MLIP: variants seen among roughly 807,000 people sequenced by gnomAD.
The protein encoded by MLIP is muscular LMNA interacting protein, also known as muscular LMNA-interacting protein.
MLIP carries 79 observed loss-of-function variants against 84.8 expected under a neutral mutation model. The ratio of observed to expected loss-of-function variants is 0.93; its 90% CI spans 0.78 to 1.12. The LOEUF (loss-of-function observed/expected upper bound fraction) is 1.12, where lower values mean the gene tolerates loss of function less well. Ranked by LOEUF, MLIP falls within the 50% of genes most tolerant of loss-of-function variation. MLIP has a pLI of 0.00. For synonymous variants in MLIP, 504 were observed against 463.0 expected, an observed-to-expected ratio of 1.09 and a Z score of -1.14; for missense variants, 1,257 against 1,160.6, an observed-to-expected ratio of 1.08 and a Z score of -1.21.
At chr6:54,064,021 TAGTATTGATG>T (rs1766132003) in intron 1 of MLIP, among the ~76,000 whole-genome samples, 2 of 75,402 alleles carry the variant, frequency 2.7e-5, no homozygotes, top group Non-Finnish European at 4.4e-5. Flanking sequence ...CTTGAGGTTA[TAGTATTGATG>T]ATCCTTATTT....
At chr6:54,232,874 C>A (rs186407628) in intron 12 of MLIP, among the ~76,000 whole-genome samples, 2 of 152,306 alleles carry the variant, frequency 1.3e-5, no homozygotes, top group African/African-American at 4.8e-5. Flanking sequence ...CTTGTCTTAC[C>A]AGTCTTTAGA....
At chr6:54,264,481 C>T (rs1340750862) in intron 13 of MLIP, among the ~76,000 whole-genome samples, 3 of 152,044 alleles carry the variant, frequency 2.0e-5, no homozygotes, top group Non-Finnish European at 4.4e-5. Flanking sequence ...ATATTGACTC[C>T]TTCTGAGCTT....
chr6:54,027,249 G>C (rs1433718473), intron 1 of MLIP, among the ~76,000 whole-genome samples: 2 of 151,984 alleles, frequency 1.3e-5, no homozygotes, highest in Non-Finnish European at 2.9e-5. Flanking sequence ...TTGTGAAATA[G>C]ATGAAAAAAG....
At chr6:54,040,341 A>T (rs1267314018) in intron 1 of MLIP, among the ~76,000 whole-genome samples, 2 of 151,990 alleles carry the variant, frequency 1.3e-5, no homozygotes, top group African/African-American at 2.4e-5. Context: ...AAGAGTAGAA[A>T]TTTTTTGAGG....
chr6:54,155,736 C>A (rs1352924409), intron 5 of MLIP, among the ~76,000 whole-genome samples: 1 of 152,146 alleles, frequency 6.6e-6, no homozygotes, highest in South Asian at 2.1e-4. Flanking sequence ...TTTCATAGTT[C>A]TTGGCTCCTA....
chr6:54,260,479 A>G (rs1783309217), intron 13 of MLIP, among the ~76,000 whole-genome samples: 1 of 152,034 alleles, frequency 6.6e-6, no homozygotes, highest in Non-Finnish European at 1.5e-5. Flanking sequence ...AAATCTCTTC[A>G]GATTATTCAA....
chr6:54,092,400 C>T (rs1216694901), intron 1 of MLIP, among the ~76,000 whole-genome samples: 1 of 152,100 alleles, frequency 6.6e-6, no homozygotes, highest in Non-Finnish European at 1.5e-5. Context: ...GGTACAAGTT[C>T]AAATCATTTC....
chr6:54,171,150 G>A (rs777493482), intron 9 of MLIP, among the ~76,000 whole-genome samples: 11 of 151,296 alleles, frequency 7.3e-5, no homozygotes, highest in Admixed American at 1.3e-4. Flanking sequence ...ATTCTGGAGC[G>A]GCTTCTTCAA....
chr6:54,080,369 C>T (rs1022413109), intron 1 of MLIP, among the ~76,000 whole-genome samples: 1 of 151,980 alleles, frequency 6.6e-6, no homozygotes, highest in African/African-American at 2.4e-5. Context: ...TCACCCCCCA[C>T]CCCAGTTTTA....
chr6:54,264,527 G>C (rs1170711291), intron 13 of MLIP, among the ~76,000 whole-genome samples: 2 of 152,188 alleles, frequency 1.3e-5, no homozygotes, highest in South Asian at 2.1e-4. Flanking sequence ...TCAAATGATC[G>C]TGAAGGTCTG....
At chr6:54,163,068 T>C (rs1472470518) in intron 8 of MLIP, among the ~76,000 whole-genome samples, 9 of 152,048 alleles carry the variant, frequency 5.9e-5, no homozygotes, top group Admixed American at 5.9e-4. Flanking sequence ...ACTTGTATAT[T>C]TTGAAACCAT....
chr6:54,019,160 G>A, intron 1 of MLIP: 1 of 1,517,138 alleles, frequency 6.6e-7, no homozygotes, highest in Non-Finnish European at 9.0e-7. Flanking sequence ...AACTGTCATA[G>A]ACTGGAAAAG....
chr6:54,218,982 T>G (rs1269073227), intron 11 of MLIP, among the ~76,000 whole-genome samples: 1 of 149,888 alleles, frequency 6.7e-6, no homozygotes, highest in Non-Finnish European at 1.5e-5. Flanking sequence ...AGCAGGCGGA[T>G]CATGAGGTCA....
intron 10 of MLIP, among the ~76,000 whole-genome samples, chr6:54,200,620 T>A (rs1280852): frequency 7.2e-6 from 1 of 139,590 alleles, no homozygotes; most frequent in Non-Finnish European, 1.5e-5. Context: ...TTTTTTTTTT[T>A]TTTTTTTTTT....
intron 11 of MLIP, among the ~76,000 whole-genome samples, chr6:54,221,264 C>G (rs1780201235): frequency 6.6e-6 from 1 of 151,990 alleles, no homozygotes; most frequent in African/African-American, 2.4e-5. Flanking sequence ...AGGTAGTGGT[C>G]CTTTCCCTGT....
chr6:54,094,993 C>T (rs984285893), intron 1 of MLIP, among the ~76,000 whole-genome samples: 1 of 152,154 alleles, frequency 6.6e-6, no homozygotes, highest in African/African-American at 2.4e-5. Flanking sequence ...TGATGATTTA[C>T]AAATGAATTA....
At chr6:54,161,704 T>C (rs958011198) in intron 8 of MLIP, among the ~76,000 whole-genome samples, 1 of 151,954 alleles carries the variant, frequency 6.6e-6, no homozygotes, top group Non-Finnish European at 1.5e-5. Flanking sequence ...TCAATTGGAA[T>C]ATTATCAATA....
At chr6:54,216,377 C>A (rs1016450761) in intron 11 of MLIP, 3 of 985,298 alleles carry the variant, frequency 3.0e-6, no homozygotes, top group African/African-American at 3.5e-5. Flanking sequence ...AGACCAGAAT[C>A]CAACTATATG....
intron 1 of MLIP, among the ~76,000 whole-genome samples, chr6:54,087,658 A>G (rs536923690): frequency 6.6e-6 from 1 of 152,280 alleles, no homozygotes; most frequent in South Asian, 2.1e-4. Flanking sequence ...CATGAGAAGG[A>G]AGAGGATCCA....
Sources: allele counts gnomAD v4.1 joint callset (sites outside exome capture counted in the v4.1 genomes callset), GRCh38; gene constraint gnomAD v4.1.1; transcripts MANE v1.5; gene names NCBI Gene and HGNC (gene_info 2026-07-23, HGNC 2026-07-21).